The following LAMA1 variants were observed in gnomAD, a reference collection of about 807,000 sequenced individuals.
LAMA1 encodes laminin subunit alpha 1.
In LAMA1, 219 loss-of-function variants were observed where a neutral mutation model predicts 348.7. The ratio of observed to expected loss-of-function variants is 0.63; its 90% confidence interval spans 0.56 to 0.70. The LOEUF is 0.70. LAMA1 is among the 30% of genes least tolerant of loss of function. The pLI is 0.00. For missense variants in LAMA1, 3,744 were observed against 3,888.0 expected (o/e 0.96, Z 0.99); for synonymous variants, 1,487 against 1,491.0 (o/e 1.00, Z 0.06).
intron 1 of LAMA1, among the ~76,000 whole-genome samples, chr18:7,095,383 TCA>T (rs2058256992): frequency 6.6e-6 from 1 of 152,178 alleles, no homozygotes; most frequent in Non-Finnish European, 1.5e-5. Context: ...CTGGTAGTAC[TCA>T]AATGGTCTAT....
Position 6,941,850 on chromosome 18 carries a change from TA to T in LAMA1, c.*228del. 1.9e-6 allele frequency: 1 copy of T among 540,272 alleles called. No individual in the cohort carries two copies. The highest frequency in any genetic ancestry group is 5.3e-4 in the Middle Eastern group (1 of 1,898). The allele number at this position is 540,272 out of a possible 1,614,324, so 33.5% of individuals were successfully genotyped here. ...CATTCAATGTGTATAAAGATTTTTTTAAAAATACGTTTAAAAAGAGAGCCAG... is the reference window on the plus strand; with the variant it reads ...CATTCAATGTGTATAAAGATTTTTTTAAAATACGTTTAAAAAGAGAGCCAG... On this transcript the variant is annotated 3_prime_UTR_variant, in exon 63 of 63. Coordinates refer to ENST00000389658, the MANE Select transcript of LAMA1 (RefSeq NM_005559.4).
intron 1 of LAMA1, among the ~76,000 whole-genome samples, chr18:7,102,859 T>G (rs1175925400): frequency 6.6e-6 from 1 of 152,330 alleles, no homozygotes; most frequent in South Asian, 2.1e-4. Flanking sequence ...TTGAGTATAA[T>G]GTAAGTTTTA....
chr18:6,973,316 A>G, intron 46 of LAMA1, 109 bp from the exon 47 acceptor site: 1 of 975,800 alleles, frequency 1.0e-6, no homozygotes, highest in Admixed American at 2.0e-5. Flanking sequence ...GGGCCCTGCA[A>G]CAGCACCCCC....
At chr18:6,996,927 C>A (rs2057783755) in intron 33 of LAMA1, among the ~76,000 whole-genome samples, 1 of 152,208 alleles carries the variant, frequency 6.6e-6, no homozygotes. Context: ...TACTGCCAGA[C>A]ATTTAATGTA....
At chr18:6,972,137 AT>A in intron 47 of LAMA1, 156 bp from the exon 48 acceptor site, 2 of 757,436 alleles carry the variant, frequency 2.6e-6, no homozygotes, top group Non-Finnish European at 4.4e-6. Flanking sequence ...TAATCACTGG[AT>A]TTCCTTTCAG....
intron 6 of LAMA1, among the ~76,000 whole-genome samples, chr18:7,045,378 G>C (rs1265329321): frequency 6.6e-6 from 1 of 152,092 alleles, no homozygotes; most frequent in Non-Finnish European, 1.5e-5. Flanking sequence ...GCTGAAGCAA[G>C]ATAATCCCTT....
intron 23 of LAMA1, among the ~76,000 whole-genome samples, chr18:7,013,310 G>A (rs116972440): frequency 6.6e-6 from 1 of 152,164 alleles, no homozygotes; most frequent in Non-Finnish European, 1.5e-5. Context: ...ACCACCCATG[G>A]GAAAAGGACC....
chr18:6,962,714 C>G (rs1224212690), intron 51 of LAMA1, among the ~76,000 whole-genome samples: 1 of 152,132 alleles, frequency 6.6e-6, no homozygotes, highest in Non-Finnish European at 1.5e-5. Flanking sequence ...ATGTTTGCTT[C>G]CCATGGGGAC....
chr18:7,107,354 G>A (rs1453505469), intron 1 of LAMA1, among the ~76,000 whole-genome samples: 11 of 151,896 alleles, frequency 7.2e-5, no homozygotes, highest in Admixed American at 2.0e-4. Context: ...TCCTGACCTC[G>A]TGATCCACCC....
chr18:7,080,607 G>T lies in LAMA1; in HGVS notation c.62-150C>A, dbSNP rs549098438. The T allele has an allele frequency of 4.7e-6, 4 of 842,802 alleles. No individual in the cohort carries two copies. The Admixed American group carries it at 6.7e-5, about 14-fold the overall frequency. 52.2% of individuals were successfully genotyped at this position (842,802 alleles called of 1,614,324 possible). A position where few individuals can be genotyped will look rare whatever the true frequency, so the allele number is the denominator to read the frequency against. On this transcript the variant is annotated intron_variant, in intron 1 of 62. Transcript: ENST00000389658. ...TACACAAACACCGTATACGCAGCAT[G>T]GTTTCATCTATATGAAATTCTGGGA...
intron 35 of LAMA1, among the ~76,000 whole-genome samples, chr18:6,993,217 T>C (rs528618125): frequency 1.8e-4 from 27 of 152,266 alleles, no homozygotes; most frequent in African/African-American, 6.3e-4. Context: ...ATGTTTCTGG[T>C]AGCCAGAAAA....
At chr18:7,045,859 T>A (rs112897587) in intron 6 of LAMA1, among the ~76,000 whole-genome samples, 1 of 151,938 alleles carries the variant, frequency 6.6e-6, no homozygotes, top group South Asian at 2.1e-4. Context: ...ATGCCCCTTT[T>A]AAATCTTGAT....
chr18:6,990,592 C>G lies in LAMA1; in HGVS notation c.5168+1969G>C, dbSNP rs577470964. ...CGGGGCTGCAGGACTAACGTTCGCA[C>G]CTTGGCTTCTGTCACCACTACCCAT... On this transcript the variant is annotated intron_variant, in intron 36 of 62. Transcript: ENST00000389658. 2.8e-4 allele frequency among the ~76,000 whole-genome samples: 43 copies of G among 152,302 alleles called. No homozygotes were observed. In the South Asian group the frequency reaches 7.3e-3, roughly 26 times the overall value.
Position 6,961,848 on chromosome 18 carries a change from C to T in LAMA1, c.7453-89G>A, listed in dbSNP as rs528718225. On this transcript the variant is annotated intron_variant, in intron 52 of 62. Coordinates refer to ENST00000389658, the MANE Select transcript of LAMA1 (RefSeq NM_005559.4). ...AGGACACTGCTGATTTCCCCATCATCTCTTTTCTATCCCCACTGGTTTGTT... is the reference window on the plus strand; with the variant it reads ...AGGACACTGCTGATTTCCCCATCATTTCTTTTCTATCCCCACTGGTTTGTT... 3.2e-6 allele frequency: 5 copies of T among 1,572,908 alleles called. No individual in the cohort carries two copies. In the Admixed American group the frequency reaches 6.7e-5, roughly 21 times the overall value.
intron 42 of LAMA1, among the ~76,000 whole-genome samples, chr18:6,978,912 A>G (rs532444711): frequency 6.6e-6 from 1 of 152,344 alleles, no homozygotes; most frequent in Non-Finnish European, 1.5e-5. Context: ...GGCTGCTAGA[A>G]GTAACAGCAG....
intron 3 of LAMA1, among the ~76,000 whole-genome samples, chr18:7,066,463 G>A (rs1598303510): frequency 6.6e-6 from 1 of 152,250 alleles, no homozygotes; most frequent in Non-Finnish European, 1.5e-5. Context: ...AATATGACTT[G>A]AAAAGTCTGT....
At chr18:7,072,195 C>T (rs1369410209) in intron 3 of LAMA1, among the ~76,000 whole-genome samples, 1 of 152,168 alleles carries the variant, frequency 6.6e-6, no homozygotes, top group African/African-American at 2.4e-5. Context: ...ATCCTGTTAG[C>T]TAACTGTAAT....
At chr18:7,021,312 T>C (rs969758377) in intron 19 of LAMA1, among the ~76,000 whole-genome samples, 2 of 152,182 alleles carry the variant, frequency 1.3e-5, no homozygotes, top group Non-Finnish European at 2.9e-5. Context: ...ACCACACATG[T>C]CTACCAAATG....
chr18:7,050,860 A>G lies in LAMA1; in HGVS notation c.422T>C (p.Leu141Pro), dbSNP rs1307709278. Residue 141 changes from leucine to proline, a missense_variant, in exon 4 of 63, where the codon CTG becomes CCG. By Grantham distance (98) the Leu-to-Pro change is moderately conservative. Transcript: ENST00000389658. ...RPGNWILERS[L>P]DGTTFSPWQY... ...CCAGGGGCTGAACGTGGTGCCATCC[A>G]GAGAACGCTCCAAAATCCAGTTTCC... 4 of 1,614,102 alleles carry G rather than the reference A, an allele frequency of 2.5e-6. No homozygotes were observed. Among genetic ancestry groups the G allele is most frequent in the Admixed American group, 3.3e-5 (2 of 60,010 alleles).
Sources: allele counts gnomAD v4.1 joint callset (sites outside exome capture counted in the v4.1 genomes callset), GRCh38; gene constraint gnomAD v4.1.1; transcripts MANE v1.5; gene names NCBI Gene and HGNC (gene_info 2026-07-23, HGNC 2026-07-21).